Variants in ASPH observed in about 807,000 individuals in gnomAD.
The protein encoded by ASPH is aspartyl/asparaginyl beta-hydroxylase.
A neutral mutation model predicts 118.4 loss-of-function variants in ASPH; 100 were observed. That is an observed-to-expected ratio of 0.84 (90% CI 0.72 to 1.00). ASPH has a LOEUF of 1.00. Ranked by LOEUF, ASPH falls within the 50% of genes least tolerant of loss-of-function variation. ASPH has a pLI of 0.00. For synonymous variants in ASPH, 315 were observed against 325.6 expected (o/e 0.97, Z 0.35); for missense variants, 920 against 919.5 (o/e 1.00, Z -0.01).
chr8:61,517,196 C>A, intron 24 of ASPH: 1 of 213,444 alleles, frequency 4.7e-6, no homozygotes, highest in Non-Finnish European at 9.4e-6. Flanking sequence ...AAGCAGGAAG[C>A]ACAATGCATA....
Position 61,503,418 on chromosome 8 carries a change from C to T in ASPH, c.2218G>A (p.Val740Met), listed in dbSNP as rs762826838. ...GTCAGTTCCGGATGCCACACATCCA[C>T]GATGAATATCAGCCGGAAAGATGAG... ...DASSFRLIFI[V>M]DVWHPELTPQ... is the part of the protein sequence containing the mutation. Residue 740 changes from valine to methionine, a missense_variant, in exon 25 of 25, where the codon GTG (valine) becomes ATG (methionine). Val to Met is a conservative substitution (Grantham distance 21, BLOSUM62 1). Transcript: ENST00000379454. 50 of 1,612,942 alleles carry T rather than the reference C, an allele frequency of 3.1e-5. No homozygotes were observed. Among genetic ancestry groups the T allele is most frequent in the South Asian group, 2.1e-4 (19 of 90,882 alleles).
At chr8:61,571,688 C>A (rs765414535) in intron 16 of ASPH, among the ~76,000 whole-genome samples, 22 of 152,126 alleles carry the variant, frequency 1.4e-4, no homozygotes, top group African/African-American at 7.2e-5. Context: ...AAGAGCATTT[C>A]ATTTACTTAG....
At chr8:61,691,717 C>A (rs954072700) in intron 1 of ASPH, among the ~76,000 whole-genome samples, 3 of 152,276 alleles carry the variant, frequency 2.0e-5, no homozygotes, top group East Asian at 3.9e-4. Flanking sequence ...TGGGGGAAGT[C>A]ATCAAACTTC....
chr8:61,525,884 C>T, intron 22 of ASPH, 93 bp downstream of exon 22: 1 of 1,517,742 alleles, frequency 6.6e-7, no homozygotes, highest in Non-Finnish European at 8.9e-7. Context: ...CTGGGAATCC[C>T]AGCTCTGGGA....
intron 13 of ASPH, chr8:61,633,185 T>A (rs1414827412): frequency 4.5e-5 from 7 of 155,288 alleles, no homozygotes; most frequent in African/African-American, 1.7e-4. Flanking sequence ...GGGAAAAGTA[T>A]GTAATGCAGT....
At chr8:61,587,869 T>C (rs1450540854) in intron 14 of ASPH, among the ~76,000 whole-genome samples, 3 of 152,160 alleles carry the variant, frequency 2.0e-5, no homozygotes, top group Non-Finnish European at 4.4e-5. Context: ...GGGAGGCACA[T>C]GTTCTACCTG....
chr8:61,667,660 C>T (rs934113209), intron 3 of ASPH, among the ~76,000 whole-genome samples: 3 of 152,096 alleles, frequency 2.0e-5, no homozygotes, highest in African/African-American at 7.2e-5. Flanking sequence ...CCACCGTGCC[C>T]GGACAATAAT....
intron 4 of ASPH, among the ~76,000 whole-genome samples, chr8:61,651,654 AG>A (rs1258340167): frequency 6.6e-6 from 1 of 152,224 alleles, no homozygotes; most frequent in African/African-American, 2.4e-5. Context: ...CAGGTTTGTC[AG>A]GAAGTGTCAG....
chr8:61,624,352 C>T (rs1851983237), intron 13 of ASPH: 1 of 985,242 alleles, frequency 1.0e-6, no homozygotes, highest in Non-Finnish European at 1.2e-6. Flanking sequence ...GGCAATGTAG[C>T]ATGATAGTAA....
At position 61,698,445 on chromosome 8, in the gene ASPH, A is replaced by G. The variant is rs559302927; in HGVS notation, c.104-14257T>C. On this transcript the variant is annotated intron_variant, in intron 1 of 24. Transcript: ENST00000379454. Reference sequence around the variant, plus strand: ...GCAGCTTTAGGCTAAACTTAAACACATGTCATGCCCTCTTTGGGCACACTG... The same window carrying G: ...GCAGCTTTAGGCTAAACTTAAACACGTGTCATGCCCTCTTTGGGCACACTG... 8.9e-4 allele frequency among the ~76,000 whole-genome samples: 135 copies of G among 152,358 alleles called. 1 individual carries two copies. Among genetic ancestry groups the G allele is most frequent in the African/African-American group, 3.2e-3 (134 of 41,582 alleles).
At chr8:61,692,703 C>A (rs1589251043) in intron 1 of ASPH, among the ~76,000 whole-genome samples, 4 of 152,270 alleles carry the variant, frequency 2.6e-5, no homozygotes, top group Admixed American at 2.6e-4. Flanking sequence ...CTGAGCACGT[C>A]AGAGTCAAAC....
At chr8:61,629,268 G>T (rs976767304) in intron 13 of ASPH, among the ~76,000 whole-genome samples, 2 of 152,154 alleles carry the variant, frequency 1.3e-5, no homozygotes, top group African/African-American at 4.8e-5. Context: ...TTCTGGCAGG[G>T]TATAACAGAA....
At chr8:61,714,240 C>T (rs1388580236) in intron 1 of ASPH, 29 bp downstream of exon 1, 124 of 1,471,018 alleles carry the variant, frequency 8.4e-5, no homozygotes, top group Non-Finnish European at 1.0e-4. Context: ...AGGCGAGGCC[C>T]CAGATCCCCG....
chr8:61,587,843 C>A (rs1839913374), intron 14 of ASPH, among the ~76,000 whole-genome samples: 1 of 152,162 alleles, frequency 6.6e-6, no homozygotes, highest in Non-Finnish European at 1.5e-5. Context: ...CAGACTCACT[C>A]TTTCTTCTCA....
chr8:61,612,045 G>C (rs1465046825), intron 14 of ASPH, among the ~76,000 whole-genome samples: 1 of 145,498 alleles, frequency 6.9e-6, no homozygotes, highest in African/African-American at 2.5e-5. Context: ...AAAAAAAAAG[G>C]AGCCAACTGC....
chr8:61,601,922 T>C (rs2133468483), intron 14 of ASPH, among the ~76,000 whole-genome samples: 1 of 151,626 alleles, frequency 6.6e-6, no homozygotes, highest in South Asian at 2.1e-4. Context: ...CCAAGGTTAC[T>C]TAAGAATAAA....
intron 4 of ASPH, chr8:61,651,496 T>A: frequency 5.4e-6 from 1 of 184,642 alleles, no homozygotes; most frequent in Non-Finnish European, 1.1e-5. Context: ...TAAAGGGAAA[T>A]AGTTGGAAAT....
intron 3 of ASPH, chr8:61,661,821 AG>A: frequency 2.6e-6 from 1 of 387,382 alleles, no homozygotes; most frequent in Non-Finnish European, 4.6e-6. Flanking sequence ...TAACTTAAGT[AG>A]TCCTCTGGAT....
chr8:61,577,357 A>G (rs1835546025), intron 15 of ASPH, among the ~76,000 whole-genome samples: 1 of 132,868 alleles, frequency 7.5e-6, no homozygotes, highest in African/African-American at 3.7e-5. Context: ...TAAATAATAA[A>G]ATGACAAAAA....
Sources: allele counts gnomAD v4.1 joint callset (sites outside exome capture counted in the v4.1 genomes callset), GRCh38; gene constraint gnomAD v4.1.1; transcripts MANE v1.5; gene names NCBI Gene and HGNC (gene_info 2026-07-23, HGNC 2026-07-21).